Variants in MGAT4C observed in about 807,000 individuals in gnomAD.
MGAT4C encodes the protein alpha-1,3-mannosyl-glycoprotein 4-beta-N-acetylglucosaminyltransferase C.
In MGAT4C, 19 loss-of-function variants were observed where a neutral mutation model predicts 40.1. That is an observed-to-expected ratio of 0.47 (90% CI 0.33 to 0.70). MGAT4C has a LOEUF of 0.70. MGAT4C is among the 30% of genes least tolerant of loss of function. MGAT4C has a pLI of 0.02. For synonymous variants in MGAT4C, 181 were observed against 187.1 expected (o/e 0.97, Z 0.27); for missense variants, 491 against 563.2 (o/e 0.87, Z 1.30).
At chr12:86,661,700 C>T (rs1963983078) in intron 2 of MGAT4C, among the ~76,000 whole-genome samples, 1 of 152,092 alleles carries the variant, frequency 6.6e-6, no homozygotes, top group African/African-American at 2.4e-5. Flanking sequence ...AATCCCAGCA[C>T]TTTGAGAGGC....
chr12:86,594,806 C>T (rs1961470245), intron 2 of MGAT4C, among the ~76,000 whole-genome samples: 2 of 152,118 alleles, frequency 1.3e-5, no homozygotes, highest in East Asian at 1.9e-4. Context: ...TTGGTTACAA[C>T]AAAATTGGTT....
At chr12:86,165,143 A>T (rs1886048328) in intron 1 of MGAT4C, among the ~76,000 whole-genome samples, 1 of 152,146 alleles carries the variant, frequency 6.6e-6, no homozygotes, top group African/African-American at 2.4e-5. Flanking sequence ...TTAGAAAAAA[A>T]GGGGATTTCA....
chr12:86,206,260 A>T (rs1236173064), intron 1 of MGAT4C, among the ~76,000 whole-genome samples: 1 of 152,172 alleles, frequency 6.6e-6, no homozygotes, highest in Non-Finnish European at 1.5e-5. Context: ...TTTTTGAAAT[A>T]ATAAGGACAG....
intron 1 of MGAT4C, among the ~76,000 whole-genome samples, chr12:86,815,866 A>G (rs543232705): frequency 6.6e-5 from 10 of 151,182 alleles, no homozygotes; most frequent in African/African-American, 1.9e-4. Flanking sequence ...GTGGGGGGGC[A>G]AGGGAAAAAA....
Position 86,676,442 on chromosome 12 carries a change from GC to G in MGAT4C, c.-229+50766del, listed in dbSNP as rs1964402210. On this transcript the variant is annotated intron_variant, in intron 2 of 7. Coordinates refer to the MGAT4C transcript ENST00000548651. ...GGTAGGAATTAAATAATCTGAATTA[GC>G]AAAACAAAAACATACACATAATCTA... Among the ~76,000 whole-genome samples, 5 of 152,002 alleles carry G rather than the reference GC, an allele frequency of 3.3e-5. No individual in the cohort carries two copies. The South Asian group carries it at 8.3e-4, about 25-fold the overall frequency.
At chr12:86,047,084 C>T (rs1298351112) in intron 2 of MGAT4C, among the ~76,000 whole-genome samples, 2 of 152,034 alleles carry the variant, frequency 1.3e-5, no homozygotes, top group African/African-American at 4.8e-5. Context: ...ATCGCCAAAA[C>T]AAAGCCCTTT....
chr12:86,249,244 A>T (rs1487115359), intron 1 of MGAT4C, among the ~76,000 whole-genome samples: 1 of 151,938 alleles, frequency 6.6e-6, no homozygotes. Flanking sequence ...GACTTCAGAA[A>T]CTCTTTCCCA....
intron 2 of MGAT4C, among the ~76,000 whole-genome samples, chr12:86,518,675 T>C (rs761766294): frequency 6.6e-6 from 1 of 152,144 alleles, no homozygotes; most frequent in Non-Finnish European, 1.5e-5. Flanking sequence ...ATCCTACCCA[T>C]TCCTAGGCCT....
At chr12:86,042,759 T>A (rs1435011604) in intron 2 of MGAT4C, among the ~76,000 whole-genome samples, 1 of 150,904 alleles carries the variant, frequency 6.6e-6, no homozygotes, top group Admixed American at 6.6e-5. Flanking sequence ...TCCCAGCTAC[T>A]CGGGAGGCTG....
chr12:86,305,581 T>G (rs1284834089), intron 4 of MGAT4C, among the ~76,000 whole-genome samples: 1 of 150,470 alleles, frequency 6.6e-6, no homozygotes, highest in Non-Finnish European at 1.5e-5. Context: ...ATATATATAG[T>G]CATTCGTTGG....
intron 1 of MGAT4C, among the ~76,000 whole-genome samples, chr12:86,086,282 C>T (rs1871824552): frequency 6.6e-6 from 1 of 151,984 alleles, no homozygotes; most frequent in South Asian, 2.1e-4. Flanking sequence ...AGCAAACTAA[C>T]ACAGGAACAG....
chr12:86,135,534 A>G (rs569760819), intron 1 of MGAT4C, among the ~76,000 whole-genome samples: 131 of 152,274 alleles, frequency 8.6e-4, no homozygotes, highest in African/African-American at 3.1e-3. Context: ...TTACTTAAAA[A>G]AGTAAGGGGG....
At chr12:86,149,494 GTTCACTTAAGACAAA>G (rs1451210758) in intron 1 of MGAT4C, among the ~76,000 whole-genome samples, 1 of 152,136 alleles carries the variant, frequency 6.6e-6, no homozygotes, top group Non-Finnish European at 1.5e-5. Flanking sequence ...TTTTTACAGT[GTTCACTTAAGACAAA>G]TTCCAAGCAT....
At chr12:86,582,663 A>T (rs1414311188) in intron 2 of MGAT4C, among the ~76,000 whole-genome samples, 2 of 151,296 alleles carry the variant, frequency 1.3e-5, no homozygotes, top group East Asian at 3.9e-4. Context: ...TTTATCCCAC[A>T]ATTTATCATG....
intron 2 of MGAT4C, among the ~76,000 whole-genome samples, chr12:86,005,030 C>A (rs1887731032): frequency 3.9e-5 from 6 of 152,180 alleles, no homozygotes; most frequent in Admixed American, 3.9e-4. Flanking sequence ...TGCCTCATGG[C>A]ATCATCTCGT....
At chr12:86,496,351 G>T (rs1218088839) in intron 2 of MGAT4C, among the ~76,000 whole-genome samples, 2 of 151,902 alleles carry the variant, frequency 1.3e-5, no homozygotes, top group African/African-American at 4.8e-5. Context: ...TTATCTTGCA[G>T]AAGCCATTTC....
chr12:86,483,566 A>C (rs369551743), intron 2 of MGAT4C, among the ~76,000 whole-genome samples: 4 of 152,012 alleles, frequency 2.6e-5, no homozygotes, highest in African/African-American at 9.7e-5. Flanking sequence ...TGTTAGGTGC[A>C]TAAAATGAAA....
chr12:86,247,583 G>A lies in MGAT4C; in HGVS notation c.-57+8656C>T, dbSNP rs977931100. Among the ~76,000 whole-genome samples, 130 of 152,282 alleles carry A rather than the reference G, an allele frequency of 8.5e-4. 4 individuals are homozygous for A. The highest frequency in any genetic ancestry group is 3.9e-4 in the East Asian group (2 of 5,166). On this transcript the variant is annotated intron_variant, in intron 1 of 4. Coordinates refer to ENST00000611864, the MANE Select transcript of MGAT4C (RefSeq NM_001351288.2). ...TAGGGATATCTGGCCTCATCAGGAA[G>A]GTCAAGGAGGAATTCCTTAAGGCTG...
intron 2 of MGAT4C, among the ~76,000 whole-genome samples, chr12:86,615,721 A>C (rs1431157051): frequency 2.0e-5 from 3 of 152,100 alleles, no homozygotes; most frequent in African/African-American, 7.2e-5. Flanking sequence ...TGAGAATAAC[A>C]AATCACATCA....
Sources: allele counts gnomAD v4.1 joint callset (sites outside exome capture counted in the v4.1 genomes callset), GRCh38; gene constraint gnomAD v4.1.1; transcripts MANE v1.5; gene names NCBI Gene and HGNC (gene_info 2026-07-23, HGNC 2026-07-21).